GPALPP1: variants seen among roughly 807,000 people sequenced by gnomAD.
The protein encoded by GPALPP1 is GPALPP motifs containing 1, also known as GPALPP motifs-containing protein 1.
GPALPP1 carries 30 observed loss-of-function variants against 38.9 expected under a neutral mutation model. The ratio of observed to expected loss-of-function variants is 0.77; its 90% CI spans 0.58 to 1.05. GPALPP1 has a LOEUF of 1.05. GPALPP1 is among the 50% of genes least tolerant of loss of function. The probability of loss-of-function intolerance (pLI) is 0.00; values close to 1 mark genes in which losing one functional copy is unlikely to be tolerated. For synonymous variants in GPALPP1, 120 were observed against 139.2 expected (o/e 0.86, Z 0.97); for missense variants, 384 against 408.8 (o/e 0.94, Z 0.52).
chr13:45,027,331 G>A (rs766020131), intron 7 of GPALPP1, among the ~76,000 whole-genome samples: 3 of 152,154 alleles, frequency 2.0e-5, no homozygotes, highest in Non-Finnish European at 2.9e-5. Flanking sequence ...GGGAAAAAGA[G>A]AACGACAGAA....
intron 7 of GPALPP1, among the ~76,000 whole-genome samples, chr13:45,024,658 G>GTGGCTTA (rs1340972359): frequency 6.6e-6 from 1 of 151,588 alleles, no homozygotes; most frequent in African/African-American, 2.4e-5. Context: ...GCCAGGCATA[G>GTGGCTTA]TGGCTTATGC....
At chr13:45,027,525 T>G (rs749252846) in intron 7 of GPALPP1, among the ~76,000 whole-genome samples, 2 of 152,222 alleles carry the variant, frequency 1.3e-5, no homozygotes, top group Non-Finnish European at 2.9e-5. Flanking sequence ...GTCTATGAAG[T>G]GACAATATGA....
intron 1 of GPALPP1, among the ~76,000 whole-genome samples, chr13:44,994,702 T>A (rs184026149): frequency 6.6e-6 from 1 of 152,334 alleles, no homozygotes; most frequent in Admixed American, 6.5e-5. Flanking sequence ...AGTCACACAG[T>A]TTTCCAAAAT....
intron 7 of GPALPP1, among the ~76,000 whole-genome samples, chr13:45,021,674 A>C (rs1030453401): frequency 6.6e-6 from 1 of 152,022 alleles, no homozygotes; most frequent in African/African-American, 2.4e-5. Flanking sequence ...AGAAAAACTC[A>C]AAATTTAAAC....
At chr13:45,021,873 G>T (rs972981692) in intron 7 of GPALPP1, among the ~76,000 whole-genome samples, 1 of 152,040 alleles carries the variant, frequency 6.6e-6, no homozygotes, top group African/African-American at 2.4e-5. Context: ...TTCCAAACTG[G>T]CATTTCTTAT....
chr13:45,025,035 G>GT lies in GPALPP1; in HGVS notation c.805-2749dup, dbSNP rs201519723. 7.8e-4 allele frequency among the ~76,000 whole-genome samples: 118 copies of GT among 151,262 alleles called. 2 individuals are homozygous for GT. In the East Asian group the frequency reaches 0.023, roughly 30 times the overall value. ...GAATAAGACAGGTTTCATACAATGT[G>GT]TACTACTTGGTTGACTGGTACACTG... On this transcript the variant is annotated intron_variant, in intron 7 of 7. Transcript: ENST00000379151.
chr13:45,034,185 A>G (rs1876325259), downstream of GPALPP1: 1 of 152,232 alleles, frequency 6.6e-6, no homozygotes, highest in Admixed American at 6.5e-5. Context: ...GCTAGGTGCT[A>G]AGAACACAAT....
intron 1 of GPALPP1, among the ~76,000 whole-genome samples, chr13:44,998,676 A>G (rs1387625287): frequency 6.6e-6 from 1 of 152,206 alleles, no homozygotes; most frequent in Non-Finnish European, 1.5e-5. Context: ...CACTGCTTCT[A>G]GGAAACATTC....
chr13:45,016,006 T>C (rs1053344868), intron 6 of GPALPP1, among the ~76,000 whole-genome samples: 1 of 151,884 alleles, frequency 6.6e-6, no homozygotes, highest in African/African-American at 2.4e-5. Context: ...TCTTTTAAAA[T>C]ATTTTAGAAA....
chr13:45,007,214 T>C (rs1278247791), intron 3 of GPALPP1, among the ~76,000 whole-genome samples: 2 of 152,140 alleles, frequency 1.3e-5, no homozygotes, highest in Admixed American at 1.3e-4. Context: ...TCTAGCCCTT[T>C]ATAGAAAGTT....
At chr13:45,032,508 C>A (rs939908568), downstream of GPALPP1, among the ~76,000 whole-genome samples, 2 of 151,686 alleles carry the variant, frequency 1.3e-5, no homozygotes, top group Non-Finnish European at 2.9e-5. Context: ...CGAGTTCAAG[C>A]GATTCTTCTG....
intron 3 of GPALPP1, among the ~76,000 whole-genome samples, chr13:45,006,621 T>C (rs920053564): frequency 6.6e-6 from 1 of 152,198 alleles, no homozygotes; most frequent in Non-Finnish European, 1.5e-5. Flanking sequence ...GTAGCAGACC[T>C]GGAGCTAGAA....
chr13:44,993,761 T>C (rs1453703737), intron 1 of GPALPP1, among the ~76,000 whole-genome samples: 1 of 150,942 alleles, frequency 6.6e-6, no homozygotes, highest in Admixed American at 6.6e-5. Flanking sequence ...ACTAGCACTG[T>C]ACAAGGGTCT....
intron 1 of GPALPP1, among the ~76,000 whole-genome samples, chr13:44,999,898 G>A (rs1029405284): frequency 4.0e-5 from 6 of 151,694 alleles, no homozygotes; most frequent in Admixed American, 6.6e-5. Flanking sequence ...TTTTTATATC[G>A]CCATCTCAGT....
intron 1 of GPALPP1, among the ~76,000 whole-genome samples, chr13:44,992,967 T>A (rs1164144826): frequency 3.9e-5 from 6 of 152,208 alleles, no homozygotes; most frequent in Admixed American, 3.9e-4. Flanking sequence ...TCTGACCCAG[T>A]CCCTGGTAAC....
chr13:44,994,605 T>A (rs903665112), intron 1 of GPALPP1, among the ~76,000 whole-genome samples: 1 of 152,204 alleles, frequency 6.6e-6, no homozygotes, highest in Non-Finnish European at 1.5e-5. Flanking sequence ...TCCCTTAGTT[T>A]CGTTCGTTTT....
downstream of GPALPP1, chr13:45,031,399 A>T (rs1876189832): frequency 1.3e-5 from 2 of 152,238 alleles, no homozygotes; most frequent in Admixed American, 1.3e-4. Context: ...GTAAATTCTT[A>T]ACATATATTT....
At chr13:45,026,252 G>A (rs977428883) in intron 7 of GPALPP1, among the ~76,000 whole-genome samples, 2 of 152,094 alleles carry the variant, frequency 1.3e-5, no homozygotes, top group African/African-American at 4.8e-5. Flanking sequence ...GCAGAAATAG[G>A]AAAATGTGAA....
At chr13:44,992,258 C>T (rs1018911509) in intron 1 of GPALPP1, among the ~76,000 whole-genome samples, 1 of 152,078 alleles carries the variant, frequency 6.6e-6, no homozygotes, top group African/African-American at 2.4e-5. Flanking sequence ...ACCACCTTTT[C>T]ATGTGTTATT....
Sources: allele counts gnomAD v4.1 joint callset (sites outside exome capture counted in the v4.1 genomes callset), GRCh38; gene constraint gnomAD v4.1.1; transcripts MANE v1.5; gene names NCBI Gene and HGNC (gene_info 2026-07-23, HGNC 2026-07-21).